ENTREP2: variants seen among roughly 807,000 people sequenced by gnomAD.
ENTREP2 encodes endosomal transmembrane epsin interactor 2, also known as protein ENTREP2.
the ENTREP2 span, among the ~76,000 whole-genome samples, chr15:29,487,603 T>G: frequency 6.6e-6 from 1 of 152,304 alleles, no homozygotes; most frequent in African/African-American, 2.4e-5. Context: ...TGCAAAACTC[T>G]ACAGTCTATA....
chr15:29,618,961 G>A, the ENTREP2 span, among the ~76,000 whole-genome samples: 1 of 152,238 alleles, frequency 6.6e-6, no homozygotes, highest in African/African-American at 2.4e-5. Context: ...GACAAGAGCT[G>A]GAAGATTCCC....
chr15:29,395,523 CTTTT>C, the ENTREP2 span, among the ~76,000 whole-genome samples: 619 of 127,278 alleles, frequency 4.9e-3, 3 homozygotes, highest in Admixed American at 8.2e-3. Flanking sequence ...GATTTTTTCT[CTTTT>C]TTCTTTCTTT....
chr15:29,480,338 C>CAAAAAAAAAA, the ENTREP2 span, among the ~76,000 whole-genome samples: 3 of 29,430 alleles, frequency 1.0e-4, no homozygotes, highest in Non-Finnish European at 2.0e-4. Context: ...TTCACTATAG[C>CAAAAAAAAAA]AAAAAAAAAA....
chr15:29,570,691 A>T, the ENTREP2 span: 1 of 1,161,930 alleles, frequency 8.6e-7, no homozygotes. Flanking sequence ...GCGCGGCGGG[A>T]CGCGGCGCTC....
chr15:29,313,665 G>A, the ENTREP2 span, among the ~76,000 whole-genome samples: 1 of 152,148 alleles, frequency 6.6e-6, no homozygotes, highest in East Asian at 1.9e-4. Flanking sequence ...AGCCCTGATG[G>A]AGATGTACAA....
the ENTREP2 span, among the ~76,000 whole-genome samples, chr15:29,317,012 CT>C: frequency 6.6e-6 from 1 of 152,132 alleles, no homozygotes; most frequent in Non-Finnish European, 1.5e-5. Flanking sequence ...ATGAATTTAA[CT>C]ATGCCAAATT....
At chr15:29,239,932 AAAAT>A in the ENTREP2 span, among the ~76,000 whole-genome samples, 9 of 152,326 alleles carry the variant, frequency 5.9e-5, no homozygotes, top group Admixed American at 4.6e-4. Flanking sequence ...ACTTTTCCCC[AAAAT>A]AAATAAGATA....
At chr15:29,477,856 G>T in the ENTREP2 span, among the ~76,000 whole-genome samples, 1 of 151,698 alleles carries the variant, frequency 6.6e-6, no homozygotes, top group Non-Finnish European at 1.5e-5. Context: ...GCCCTCACTG[G>T]TCAATCACTG....
the ENTREP2 span, among the ~76,000 whole-genome samples, chr15:29,410,532 G>A: frequency 2.0e-5 from 3 of 151,942 alleles, no homozygotes; most frequent in Non-Finnish European, 2.9e-5. Context: ...GAGCCAGCAC[G>A]ATCACCCGCC....
chr15:29,180,905 C>T, the ENTREP2 span, among the ~76,000 whole-genome samples: 29 of 149,798 alleles, frequency 1.9e-4, no homozygotes, highest in East Asian at 4.9e-3. Flanking sequence ...CAGCATACAT[C>T]GAGAGAAGTG....
At chr15:29,645,926 G>A in the ENTREP2 span, among the ~76,000 whole-genome samples, 60 of 152,110 alleles carry the variant, frequency 3.9e-4, no homozygotes, top group Non-Finnish European at 6.3e-4. Context: ...TTGATTCTGG[G>A]TACTAGAATA....
the ENTREP2 span, among the ~76,000 whole-genome samples, chr15:29,503,610 TA>T: frequency 1.3e-5 from 2 of 152,146 alleles, no homozygotes; most frequent in Non-Finnish European, 2.9e-5. Flanking sequence ...CCTCAATAAT[TA>T]AAAGAAGTAA....
the ENTREP2 span, among the ~76,000 whole-genome samples, chr15:29,288,909 A>G: frequency 0.027 from 4,067 of 152,268 alleles, 227 homozygotes; most frequent in African/African-American, 0.093. Context: ...GAACATACAA[A>G]ATAAATAAGA....
At chr15:29,161,159 G>A in the ENTREP2 span, among the ~76,000 whole-genome samples, 207 of 152,300 alleles carry the variant, frequency 1.4e-3, no homozygotes, top group Middle Eastern at 3.4e-3. Flanking sequence ...GGTATGCCAA[G>A]AATGTAAGGC....
the ENTREP2 span, among the ~76,000 whole-genome samples, chr15:29,150,368 T>C: frequency 1.1e-4 from 17 of 152,254 alleles, no homozygotes; most frequent in Admixed American, 4.6e-4. Flanking sequence ...CTTATTTAGT[T>C]GGCAATTTTC....
chr15:29,270,877 C>T, the ENTREP2 span, among the ~76,000 whole-genome samples: 1 of 152,160 alleles, frequency 6.6e-6, no homozygotes, highest in African/African-American at 2.4e-5. Flanking sequence ...TTTAAAGCTA[C>T]CCAGAAAGTG....
the ENTREP2 span, among the ~76,000 whole-genome samples, chr15:29,192,296 C>T: frequency 1.3e-5 from 2 of 152,152 alleles, no homozygotes; most frequent in Admixed American, 1.3e-4. Context: ...AAGAGAATAA[C>T]ATATCATCTA....
chr15:29,405,652 G>A, the ENTREP2 span, among the ~76,000 whole-genome samples: 3 of 152,310 alleles, frequency 2.0e-5, no homozygotes, highest in East Asian at 5.8e-4. Flanking sequence ...CCACAGTGCC[G>A]CTCACTCATG....
At chr15:29,171,332 G>T in the ENTREP2 span, among the ~76,000 whole-genome samples, 3 of 152,132 alleles carry the variant, frequency 2.0e-5, no homozygotes. Flanking sequence ...GTCCTGAGCA[G>T]TTCAACATTT....
Sources: allele counts gnomAD v4.1 joint callset (sites outside exome capture counted in the v4.1 genomes callset), GRCh38; gene constraint gnomAD v4.1.1; transcripts MANE v1.5; gene names NCBI Gene and HGNC (gene_info 2026-07-23, HGNC 2026-07-21).